Variants in SHPRH observed in about 807,000 individuals in gnomAD.
SHPRH encodes the protein E3 ubiquitin-protein ligase SHPRH.
SHPRH carries 106 observed loss-of-function variants against 202.5 expected under a neutral mutation model. That is an observed-to-expected ratio of 0.52 (90% CI 0.45 to 0.62). The LOEUF (loss-of-function observed/expected upper bound fraction) is 0.62, where lower values mean the gene tolerates loss of function less well. SHPRH is among the 20% of genes least tolerant of loss of function. The probability of loss-of-function intolerance (pLI) is 0.00; values close to 1 mark genes in which losing one functional copy is unlikely to be tolerated. For synonymous variants in SHPRH, 729 were observed against 686.0 expected (o/e 1.06, Z -0.98); for missense variants, 1,710 against 2,020.0 (o/e 0.85, Z 2.94).
chr6:145,919,120 A>AC (rs773402390), intron 22 of SHPRH: 19 of 461,554 alleles, frequency 4.1e-5, no homozygotes, highest in Admixed American at 2.4e-4. Flanking sequence ...CTGGAGAGAA[A>AC]CAAGATGCCC....
chr6:145,870,544 G>C (rs1583256715), intron 2 of SHPRH, among the ~76,000 whole-genome samples: 1 of 152,128 alleles, frequency 6.6e-6, no homozygotes, highest in Non-Finnish European at 1.5e-5. Context: ...TTACAGGCTT[G>C]AGCCACTGCG....
Position 145,955,342 on chromosome 6 carries a change from G to GT in SHPRH, c.-21dup. The GT allele has an allele frequency of 6.3e-7, 1 of 1,582,556 alleles. No individual in the cohort carries two copies. The highest frequency in any genetic ancestry group is 8.6e-7 in the Non-Finnish European group (1 of 1,167,930). ...GCTCATTTTCAAGTTTTCTTGGCTGGTAACTGTGAACTCTAGAGGACAAAT... is the reference window on the plus strand; with the variant it reads ...GCTCATTTTCAAGTTTTCTTGGCTGGTTAACTGTGAACTCTAGAGGACAAAT... On this transcript the variant is annotated 5_prime_UTR_variant, in exon 2 of 30. Coordinates refer to ENST00000275233, the MANE Select transcript of SHPRH (RefSeq NM_001042683.3).
At chr6:145,897,939 T>C (rs1292075204) in intron 25 of SHPRH, among the ~76,000 whole-genome samples, 4 of 152,142 alleles carry the variant, frequency 2.6e-5, no homozygotes, top group Admixed American at 1.3e-4. Flanking sequence ...TCAAAGCTTT[T>C]CCTTTAAGAT....
intron 25 of SHPRH, among the ~76,000 whole-genome samples, chr6:145,896,545 C>T (rs1365566743): frequency 6.6e-6 from 1 of 152,018 alleles, no homozygotes; most frequent in Non-Finnish European, 1.5e-5. Context: ...TTGCTTTTAT[C>T]AAAGACTGGC....
intron 2 of SHPRH, among the ~76,000 whole-genome samples, chr6:145,953,734 C>T (rs1343549089): frequency 6.6e-6 from 1 of 151,958 alleles, no homozygotes; most frequent in East Asian, 1.9e-4. Context: ...ATTATCTGGC[C>T]TGATTTTCAA....
intron 2 of SHPRH, among the ~76,000 whole-genome samples, chr6:145,865,118 C>CT (rs1779719738): frequency 1.3e-5 from 2 of 152,154 alleles, no homozygotes; most frequent in Admixed American, 1.3e-4. Flanking sequence ...TCTCAGGTAC[C>CT]TGGCTTAAGC....
At chr6:145,916,713 A>C (rs929406349) in intron 23 of SHPRH, among the ~76,000 whole-genome samples, 1 of 152,146 alleles carries the variant, frequency 6.6e-6, no homozygotes, top group Non-Finnish European at 1.5e-5. Context: ...TTTTATTTTG[A>C]CTATCATATT....
At chr6:145,883,291 A>G (rs1417980762), downstream of SHPRH, 1 of 152,234 alleles carries the variant, frequency 6.6e-6, no homozygotes, top group African/African-American at 2.4e-5. Context: ...CACTGACATT[A>G]AATGATGAAG....
At chr6:145,891,743 G>A (rs1781582715) in intron 28 of SHPRH, among the ~76,000 whole-genome samples, 1 of 152,148 alleles carries the variant, frequency 6.6e-6, no homozygotes, top group Admixed American at 6.6e-5. Context: ...ACACACTTAA[G>A]ACAGACTCCT....
chr6:145,916,702 T>C (rs142044626), intron 23 of SHPRH, among the ~76,000 whole-genome samples: 1 of 152,288 alleles, frequency 6.6e-6, no homozygotes, highest in African/African-American at 2.4e-5. Context: ...GATAACTGTC[T>C]TTTTATTTTG....
At chr6:145,876,844 T>G (rs1414193802) in intron 2 of SHPRH, 1 of 152,128 alleles carries the variant, frequency 6.6e-6, no homozygotes, top group Non-Finnish European at 1.5e-5. Flanking sequence ...ATAGTGTCCT[T>G]ATAAAAAGCC....
intron 2 of SHPRH, among the ~76,000 whole-genome samples, chr6:145,867,643 G>GAGAGAT (rs1779858513): frequency 8.6e-6 from 1 of 116,024 alleles, no homozygotes; most frequent in Non-Finnish European, 1.8e-5. Flanking sequence ...GAGAGAGAGA[G>GAGAGAT]AGAGAGAGAG....
At chr6:145,927,307 CGA>C (rs1438400675) in intron 14 of SHPRH, 30 bp from the exon 15 acceptor site, 2 of 1,583,460 alleles carry the variant, frequency 1.3e-6, no homozygotes, top group Non-Finnish European at 1.7e-6. Flanking sequence ...TTAAAGCATA[CGA>C]GAGTCACATA....
At position 145,943,296 on chromosome 6, in the gene SHPRH, A is replaced by T; in HGVS notation, c.2085T>A (p.Asn695Lys). Reference protein sequence around the residue: ...HAKCVNYDEKNLKIKPFYCPH... With the variant: ...HAKCVNYDEKKLKIKPFYCPH... ...GGCAGTAAAAAGGCTTGATCTTCAG[A>T]TTTTTCTCATCATAATTCACACACT... Residue 695 changes from asparagine to lysine, a missense_variant, in exon 9 of 30, where the codon AAT becomes AAA. Asn to Lys is a moderately conservative substitution (Grantham distance 94, BLOSUM62 0). This residue lies in a region of SHPRH where 277 missense variants were observed against 363.0 expected (regional missense o/e 0.76). Transcript: ENST00000275233. The T allele has an allele frequency of 3.1e-6, 5 of 1,613,670 alleles. No homozygotes were observed. The highest frequency in any genetic ancestry group is 4.2e-6 in the Non-Finnish European group (5 of 1,179,896).
intron 25 of SHPRH, chr6:145,904,363 A>C (rs1423865733): frequency 6.6e-6 from 1 of 152,140 alleles, no homozygotes; most frequent in Admixed American, 6.6e-5. Flanking sequence ...AAAGAAAAAA[A>C]CTAGGTTTAG....
In SHPRH at chr6:145,918,445, A is replaced by G. The variant is rs532968684; in HGVS notation, c.4153-213T>C. On this transcript the variant is annotated intron_variant, in intron 22 of 29. Coordinates refer to ENST00000275233, the MANE Select transcript of SHPRH (RefSeq NM_001042683.3). ...TTATGAAAGGCACAATTCAATGCAG[A>G]GTTCTTTTAAACAGGAAGTGTCCCT... 288 of 317,088 alleles carry G rather than the reference A, an allele frequency of 9.1e-4. 1 individual carries two copies. Among genetic ancestry groups the G allele is most frequent in the African/African-American group, 5.9e-3 (272 of 46,078 alleles). 19.6% of individuals were successfully genotyped at this position (317,088 alleles called of 1,614,324 possible). A position where few individuals can be genotyped will look rare whatever the true frequency, so the allele number is the denominator to read the frequency against.
At chr6:145,937,150 ATT>A (rs1221303486) in intron 11 of SHPRH, among the ~76,000 whole-genome samples, 1 of 151,556 alleles carries the variant, frequency 6.6e-6, no homozygotes, top group Non-Finnish European at 1.5e-5. Context: ...TGTCCAGCTA[ATT>A]TTTGTATTTT....
chr6:145,916,286 C>T (rs775196295), intron 23 of SHPRH, among the ~76,000 whole-genome samples: 16 of 152,088 alleles, frequency 1.1e-4, no homozygotes, highest in South Asian at 4.1e-4. Context: ...TAATCTAAAA[C>T]GCTCTAAAAT....
chr6:145,923,701 GCA>G lies in SHPRH; in HGVS notation c.3485_3486del (p.Val1162AlafsTer3). 1 of 1,611,684 alleles carries G rather than the reference GCA, an allele frequency of 6.2e-7. No homozygotes were observed. ...FTIDEELVQR[V>X]RNEITSNYKQ... ...TTGTAGTTGCTGGTTATTTCATTTCGCACTCGCTGAACTAGCTCCTCATCAAT... is the reference window on the plus strand; with the variant it reads ...TTGTAGTTGCTGGTTATTTCATTTCGCTCGCTGAACTAGCTCCTCATCAAT... On this transcript the variant is annotated frameshift_variant, in exon 18 of 30. Coordinates refer to ENST00000275233, the MANE Select transcript of SHPRH (RefSeq NM_001042683.3). LOFTEE classifies it high-confidence loss of function.
Sources: gnomAD v4.1 joint callset for allele counts (sites outside exome capture counted in the v4.1 genomes callset) on GRCh38, gnomAD v4.1.1 for gene constraint, gnomAD v4.1.1 regional missense constraint, MANE v1.5 for transcripts, NCBI Gene and HGNC (gene_info 2026-07-23, HGNC 2026-07-21) for gene names.